SPG7: variants seen among roughly 807,000 people sequenced by gnomAD.
SPG7 encodes the protein mitochondrial inner membrane m-AAA protease component paraplegin.
Under a neutral mutation model 81.9 loss-of-function variants are expected in SPG7, and 103 were observed. The ratio of observed to expected loss-of-function variants is 1.26; its 90% CI spans 1.07 to 1.48. The LOEUF is 1.48. SPG7 is among the 40% of genes most tolerant of loss of function. The pLI, the probability that SPG7 is intolerant of heterozygous loss-of-function variation, is 0.00. For synonymous variants in SPG7, 534 were observed against 444.2 expected (o/e 1.20, Z -2.54); for missense variants, 1,241 against 1,087.3 (o/e 1.14, Z -1.99).
intron 4 of SPG7, among the ~76,000 whole-genome samples, chr16:89,525,863 T>A (rs2058253188): frequency 6.6e-6 from 1 of 152,176 alleles, no homozygotes; most frequent in African/African-American, 2.4e-5. Context: ...GGGCTCCTGC[T>A]GTGTCTGCAG....
intron 10 of SPG7, chr16:89,545,074 C>A: frequency 2.3e-6 from 1 of 441,030 alleles, no homozygotes; most frequent in East Asian, 4.7e-5. Context: ...TCCTTTTATC[C>A]TGGGTATCAG....
chr16:89,529,369 T>C, intron 5 of SPG7, 108 bp from the exon 6 acceptor site: 1 of 752,520 alleles, frequency 1.3e-6, no homozygotes, highest in South Asian at 1.5e-5. Flanking sequence ...GACGTAGGGA[T>C]TCCTCGTCTC....
chr16:89,525,622 G>T (rs1020312953), intron 4 of SPG7, among the ~76,000 whole-genome samples: 1 of 152,162 alleles, frequency 6.6e-6, no homozygotes, highest in Non-Finnish European at 1.5e-5. Flanking sequence ...GTCCAGTCAT[G>T]CTGAAATCTG....
chr16:89,510,715 A>G (rs1342708796), intron 2 of SPG7, 123 bp downstream of exon 2: 1 of 710,466 alleles, frequency 1.4e-6, no homozygotes, highest in Non-Finnish European at 2.5e-6. Context: ...GCTGGAGTGC[A>G]GTACAATGGT....
At chr16:89,523,458 C>G (rs1567905550) in intron 3 of SPG7, 3 of 339,468 alleles carry the variant, frequency 8.8e-6, no homozygotes, top group Admixed American at 4.1e-5. Context: ...TTTTTAATAA[C>G]TTTTGTGTAT....
chr16:89,542,979 G>C (rs1451864033), intron 9 of SPG7: 1 of 110,014 alleles, frequency 9.1e-6, no homozygotes, highest in Non-Finnish European at 1.7e-5. Flanking sequence ...ACGGAGTCTT[G>C]CTCTGTCGCC....
intron 9 of SPG7, chr16:89,540,345 G>A (rs1232788062): frequency 6.6e-6 from 1 of 152,126 alleles, no homozygotes. Flanking sequence ...CCAGCATTTT[G>A]CGCGTCTGAG....
At chr16:89,546,886 G>GT in intron 11 of SPG7, 126 bp downstream of exon 11, 1 of 724,060 alleles carries the variant, frequency 1.4e-6, no homozygotes. Context: ...CCTCTGCTCA[G>GT]TACAAGCCTG....
At chr16:89,531,196 C>T (rs539271232) in intron 7 of SPG7, 1 of 357,006 alleles carries the variant, frequency 2.8e-6, no homozygotes, top group Non-Finnish European at 5.5e-6. Flanking sequence ...GTGGGTCGCA[C>T]CTGTAGTCCT....
chr16:89,553,285 G>GA, intron 14 of SPG7, 150 bp downstream of exon 14: 1 of 888,498 alleles, frequency 1.1e-6, no homozygotes, highest in South Asian at 1.4e-5. Context: ...GTGGTCATAA[G>GA]AGAGTTGGAG....
At chr16:89,553,658 C>T (rs2058659097) in intron 14 of SPG7, 136 bp from the exon 15 acceptor site, 1 of 796,344 alleles carries the variant, frequency 1.3e-6, no homozygotes, top group Non-Finnish European at 2.1e-6. Context: ...CCTCACTGTC[C>T]AGCTTCACGG....
intron 16 of SPG7, chr16:89,556,211 T>C (rs144845480): frequency 2.5e-6 from 1 of 399,234 alleles, no homozygotes; most frequent in African/African-American, 2.1e-5. Context: ...GAAGTGTTTG[T>C]CTCTTGCAAT....
At chr16:89,526,587 G>A in intron 5 of SPG7, 119 bp downstream of exon 5, 2 of 1,041,588 alleles carry the variant, frequency 1.9e-6, no homozygotes, top group Admixed American at 1.7e-5. Flanking sequence ...AGACTTTTTA[G>A]TGGGAGGGTT....
At chr16:89,524,667 A>T (rs2058238177) in intron 4 of SPG7, among the ~76,000 whole-genome samples, 1 of 150,846 alleles carries the variant, frequency 6.6e-6, no homozygotes, top group East Asian at 2.0e-4. Context: ...CTGGTCTCGA[A>T]CTCCTGACCT....
chr16:89,536,304 C>G (rs2058415755), intron 9 of SPG7, among the ~76,000 whole-genome samples: 1 of 136,326 alleles, frequency 7.3e-6, no homozygotes, highest in African/African-American at 2.7e-5. Context: ...GCTGTGTGGC[C>G]TTCAGTGTGG....
At chr16:89,528,559 AG>A (rs2058298455) in intron 5 of SPG7, 1 of 149,948 alleles carries the variant, frequency 6.7e-6, no homozygotes, top group African/African-American at 2.5e-5. Flanking sequence ...GGGCAGGCCC[AG>A]GGCAGCCCCT....
intron 7 of SPG7, chr16:89,531,326 C>G (rs993751902): frequency 2.2e-5 from 5 of 222,468 alleles, no homozygotes; most frequent in Admixed American, 1.6e-4. Flanking sequence ...AGTAGGAGAT[C>G]AGCCTGGGCA....
At chr16:89,556,393 G>A in intron 16 of SPG7, 1 of 282,356 alleles carries the variant, frequency 3.5e-6, no homozygotes, top group Non-Finnish European at 6.6e-6. Flanking sequence ...CTGTGGTCTG[G>A]CCAGGCCACC....
At chr16:89,552,912 C>G in intron 13 of SPG7, 67 bp from the exon 14 acceptor site, 5 of 1,521,986 alleles carry the variant, frequency 3.3e-6, no homozygotes, top group Non-Finnish European at 4.5e-6. Flanking sequence ...CCTCTTAGTC[C>G]CACACCTTCC....
Sources: gnomAD v4.1 joint callset for allele counts (sites outside exome capture counted in the v4.1 genomes callset) on GRCh38, gnomAD v4.1.1 for gene constraint, MANE v1.5 for transcripts, NCBI Gene and HGNC (gene_info 2026-07-23, HGNC 2026-07-21) for gene names.